TNKS: variants seen among roughly 807,000 people sequenced by gnomAD.
TNKS encodes the protein tankyrase.
In TNKS, 72 loss-of-function variants were observed where a neutral mutation model predicts 135.8. The ratio of observed to expected loss-of-function variants is 0.53; its 90% CI spans 0.44 to 0.64. TNKS has a LOEUF of 0.64. TNKS is among the 30% of genes least tolerant of loss of function. The probability of loss-of-function intolerance (pLI) is 0.00; values close to 1 mark genes in which losing one functional copy is unlikely to be tolerated. For synonymous variants in TNKS, 849 were observed against 649.3 expected (o/e 1.31, Z -4.68); for missense variants, 1,769 against 1,674.0 (o/e 1.06, Z -0.99).
intron 11 of TNKS, among the ~76,000 whole-genome samples, chr8:9,712,893 AAAT>A (rs1382585551): frequency 1.3e-5 from 2 of 152,186 alleles, no homozygotes; most frequent in Admixed American, 6.5e-5. Flanking sequence ...CTATCTCAGA[AAAT>A]AATAATCATG....
chr8:9,577,149 G>T (rs1414959143), intron 1 of TNKS, among the ~76,000 whole-genome samples: 4 of 150,798 alleles, frequency 2.7e-5, no homozygotes, highest in Admixed American at 6.6e-5. Context: ...GCTTTTAAAT[G>T]TGCACGGAAT....
chr8:9,641,236 T>C (rs1242163043), intron 3 of TNKS, among the ~76,000 whole-genome samples: 1 of 145,144 alleles, frequency 6.9e-6, no homozygotes, highest in Non-Finnish European at 1.5e-5. Context: ...CATTTAGGAG[T>C]TGAATGTGTT....
At chr8:9,703,182 A>G (rs940474434) in intron 5 of TNKS, among the ~76,000 whole-genome samples, 1 of 152,170 alleles carries the variant, frequency 6.6e-6, no homozygotes, top group African/African-American at 2.4e-5. Context: ...CATAACTGAG[A>G]TGGCTACTTA....
At chr8:9,667,395 G>T (rs1365836849) in intron 3 of TNKS, among the ~76,000 whole-genome samples, 2 of 152,200 alleles carry the variant, frequency 1.3e-5, no homozygotes, top group Non-Finnish European at 2.9e-5. Context: ...CTTTCCTACA[G>T]CCCTTGCTCT....
chr8:9,599,823 T>G (rs1211142448), intron 2 of TNKS, among the ~76,000 whole-genome samples: 7 of 152,146 alleles, frequency 4.6e-5, no homozygotes, highest in Non-Finnish European at 8.8e-5. Context: ...TCTATATTTA[T>G]AAGTAAACTT....
chr8:9,619,335 C>A (rs1445824757), intron 3 of TNKS, among the ~76,000 whole-genome samples: 2 of 152,122 alleles, frequency 1.3e-5, no homozygotes, highest in Non-Finnish European at 2.9e-5. Context: ...GAAGGAGATT[C>A]TCTGGGCAGA....
chr8:9,636,614 A>G (rs552346722), intron 3 of TNKS, among the ~76,000 whole-genome samples: 74 of 152,214 alleles, frequency 4.9e-4, no homozygotes, highest in African/African-American at 1.5e-3. Flanking sequence ...CTTGCTTTCT[A>G]TCTTGTTCTG....
chr8:9,729,771 C>CTTT (rs763357075), intron 13 of TNKS, among the ~76,000 whole-genome samples: 5,173 of 94,918 alleles, frequency 0.054, 506 homozygotes, highest in East Asian at 0.069. Context: ...ATATGATATT[C>CTTT]TTTTTTTTTT....
intron 20 of TNKS, among the ~76,000 whole-genome samples, chr8:9,755,371 C>G (rs1477391742): frequency 6.6e-6 from 1 of 152,076 alleles, no homozygotes; most frequent in Non-Finnish European, 1.5e-5. Flanking sequence ...AGAATAATTT[C>G]TATAGCCTTT....
intron 1 of TNKS, among the ~76,000 whole-genome samples, chr8:9,565,729 C>G (rs56784931): frequency 6.6e-6 from 1 of 151,928 alleles, no homozygotes; most frequent in South Asian, 2.1e-4. Flanking sequence ...TGGTGGCGGG[C>G]GCCTGTTGTC....
intron 2 of TNKS, among the ~76,000 whole-genome samples, chr8:9,604,335 A>G (rs762893751): frequency 7.9e-5 from 12 of 152,130 alleles, no homozygotes; most frequent in Non-Finnish European, 1.3e-4. Flanking sequence ...AATATTTTAA[A>G]CAGTGTAACA....
chr8:9,611,250 C>T (rs571648460), intron 2 of TNKS, among the ~76,000 whole-genome samples: 1 of 152,110 alleles, frequency 6.6e-6, no homozygotes, highest in African/African-American at 2.4e-5. Flanking sequence ...TTAATAATGT[C>T]CCAGTGGTTA....
intron 2 of TNKS, among the ~76,000 whole-genome samples, chr8:9,608,955 C>T (rs1799339599): frequency 6.6e-6 from 1 of 152,256 alleles, no homozygotes; most frequent in Non-Finnish European, 1.5e-5. Flanking sequence ...AGAGGGAAAG[C>T]TAGTCTGATA....
intron 5 of TNKS, among the ~76,000 whole-genome samples, chr8:9,687,359 A>C (rs1388907680): frequency 1.3e-5 from 2 of 152,206 alleles, no homozygotes; most frequent in African/African-American, 4.8e-5. Flanking sequence ...TGAGCAATGC[A>C]TATCTTACTG....
At chr8:9,758,785 T>A (rs550962427) in intron 20 of TNKS, among the ~76,000 whole-genome samples, 65 of 152,348 alleles carry the variant, frequency 4.3e-4, no homozygotes, top group African/African-American at 1.4e-3. Context: ...ATTACTTACC[T>A]GCTGCTGCTT....
At chr8:9,627,969 A>G (rs904597841) in intron 3 of TNKS, among the ~76,000 whole-genome samples, 1 of 152,110 alleles carries the variant, frequency 6.6e-6, no homozygotes. Flanking sequence ...CTCGTGTACA[A>G]TGCTTTCCTT....
chr8:9,710,920 G>C (rs1200191484), intron 11 of TNKS, among the ~76,000 whole-genome samples: 1 of 152,046 alleles, frequency 6.6e-6, no homozygotes, highest in Non-Finnish European at 1.5e-5. Context: ...TATGCCTTCA[G>C]ATTTGTAATA....
intron 1 of TNKS, among the ~76,000 whole-genome samples, chr8:9,568,402 T>C (rs1797631496): frequency 1.3e-5 from 2 of 152,224 alleles, no homozygotes; most frequent in Non-Finnish European, 2.9e-5. Flanking sequence ...TTGGTCTCAC[T>C]GCTTTTTCAC....
At chr8:9,622,910 G>T (rs1042500095) in intron 3 of TNKS, among the ~76,000 whole-genome samples, 1 of 152,120 alleles carries the variant, frequency 6.6e-6, no homozygotes, top group African/African-American at 2.4e-5. Flanking sequence ...ACTGAACCCT[G>T]TACAGACTAT....
Sources: gnomAD v4.1 joint callset for allele counts (sites outside exome capture counted in the v4.1 genomes callset) on GRCh38, gnomAD v4.1.1 for gene constraint, MANE v1.5 for transcripts, NCBI Gene and HGNC (gene_info 2026-07-23, HGNC 2026-07-21) for gene names.